The following SLC35A5 variants were observed in gnomAD, a reference collection of about 807,000 sequenced individuals.
SLC35A5 encodes solute carrier family 35 member A5, also known as UDP-sugar transporter protein SLC35A5.
A neutral mutation model predicts 36.3 loss-of-function variants in SLC35A5; 28 were observed. That is an observed-to-expected ratio of 0.77 (90% CI 0.57 to 1.06). The LOEUF (loss-of-function observed/expected upper bound fraction) is 1.06, where lower values mean the gene tolerates loss of function less well. Among genes scored for constraint, SLC35A5 ranks in the 50% least tolerant of loss-of-function variants. The pLI, the probability that SLC35A5 is intolerant of heterozygous loss-of-function variation, is 0.00. For missense variants in SLC35A5, 521 were observed against 499.3 expected (o/e 1.04, Z -0.41); for synonymous variants, 180 against 173.7 (o/e 1.04, Z -0.29).
intron 4 of SLC35A5, among the ~76,000 whole-genome samples, chr3:112,572,237 C>T (rs1016254764): frequency 7.2e-5 from 11 of 151,804 alleles, no homozygotes; most frequent in African/African-American, 2.7e-4. Context: ...CCACCGTGCC[C>T]GGCCGACTTT....
rs190441635 is a variant in SLC35A5, at chr3:112,577,130, T to C, written c.428+3174T>C. Reference sequence around the variant, plus strand: ...AATTTTTAAAAATTCTTAAAAAGAATATGAGGCTACAAAAGCAGGCAAAAG... The same window carrying C: ...AATTTTTAAAAATTCTTAAAAAGAACATGAGGCTACAAAAGCAGGCAAAAG... On this transcript the variant is annotated intron_variant, in intron 5 of 6. Transcript: ENST00000492406. 6.6e-4 allele frequency among the ~76,000 whole-genome samples: 99 copies of C among 151,132 alleles called. 1 individual carries two copies. The highest frequency in any genetic ancestry group is 1.7e-3 in the Admixed American group (26 of 15,206).
At chr3:112,567,732 G>A (rs1481886858) in intron 2 of SLC35A5, among the ~76,000 whole-genome samples, 1 of 152,218 alleles carries the variant, frequency 6.6e-6, no homozygotes, top group Non-Finnish European at 1.5e-5. Context: ...ATGTGTGGAG[G>A]GAAATCACAT....
At chr3:112,579,381 C>T (rs1489063336) in intron 5 of SLC35A5, among the ~76,000 whole-genome samples, 1 of 151,986 alleles carries the variant, frequency 6.6e-6, no homozygotes, top group East Asian at 1.9e-4. Flanking sequence ...TTGCTTTACA[C>T]TTCTGCATTT....
At position 112,563,378 on chromosome 3, in the gene SLC35A5, C is replaced by T. The variant is rs745839452; in HGVS notation, c.-19-7C>T. On this transcript the variant is annotated splice_polypyrimidine_tract_variant and splice_region_variant and intron_variant, in intron 1 of 6. Coordinates refer to ENST00000492406, the MANE Select transcript of SLC35A5 (RefSeq NM_017945.5). ...AGGTCGTTCATGAAAGTGTTTTTCT[C>T]TTTAAGGTAATTAAAAAACAGTGGA... is the stretch of plus-strand genomic sequence containing the variant. 9 of 1,478,686 alleles carry T rather than the reference C, an allele frequency of 6.1e-6. No individual in the cohort carries two copies. The highest frequency in any genetic ancestry group is 7.3e-6 in the Non-Finnish European group (8 of 1,094,318). 91.6% of individuals were successfully genotyped at this position (1,478,686 alleles called of 1,614,324 possible).
At chr3:112,574,037 G>A (rs1934569429) in intron 5 of SLC35A5, 81 bp downstream of exon 5, 29 of 1,244,318 alleles carry the variant, frequency 2.3e-5, no homozygotes, top group Non-Finnish European at 3.3e-5. Flanking sequence ...AGAACACTGA[G>A]CCGTCAGAAT....
chr3:112,576,140 G>C (rs1934662371), intron 5 of SLC35A5, among the ~76,000 whole-genome samples: 2 of 149,632 alleles, frequency 1.3e-5, no homozygotes, highest in Non-Finnish European at 3.0e-5. Flanking sequence ...TTTTGGCAGT[G>C]GGGGTGGGTA....
chr3:112,562,573 G>A (rs1031493518), intron 1 of SLC35A5, among the ~76,000 whole-genome samples: 1 of 152,214 alleles, frequency 6.6e-6, no homozygotes, highest in Non-Finnish European at 1.5e-5. Context: ...GAGGGCCTTA[G>A]ATTCATTGAT....
At chr3:112,569,145 TAAA>T in intron 2 of SLC35A5, 23 bp from the exon 3 acceptor site, 1 of 1,562,862 alleles carries the variant, frequency 6.4e-7, no homozygotes, top group Non-Finnish European at 8.8e-7. Flanking sequence ...AATATATAGT[TAAA>T]AAACATTTCT....
At chr3:112,570,745 C>A (rs1413652707) in intron 4 of SLC35A5, 75 bp downstream of exon 4, 1 of 1,287,158 alleles carries the variant, frequency 7.8e-7, no homozygotes, top group Non-Finnish European at 1.0e-6. Context: ...TTTTTTTTAT[C>A]ATTTTTGTTG....
Position 112,576,412 on chromosome 3 carries a change from A to G in SLC35A5, c.428+2456A>G, listed in dbSNP as rs112843558. ...AGTGTTGGGATTACAGGCGTGAGCC[A>G]CCGCGTCCAGCCCATCTTAACAATT... is the stretch of plus-strand genomic sequence containing the variant. On this transcript the variant is annotated intron_variant, in intron 5 of 6. Coordinates refer to ENST00000492406, the MANE Select transcript of SLC35A5 (RefSeq NM_017945.5). Among the ~76,000 whole-genome samples the G allele has an allele frequency of 1.4e-3, 207 of 148,642 alleles. 1 individual carries two copies. Among genetic ancestry groups the G allele is most frequent in the African/African-American group, 4.9e-3 (197 of 40,066 alleles).
intron 2 of SLC35A5, among the ~76,000 whole-genome samples, chr3:112,564,907 A>T (rs559726324): frequency 1.3e-5 from 2 of 152,342 alleles, no homozygotes; most frequent in African/African-American, 4.8e-5. Flanking sequence ...CAGGGAGCAC[A>T]GGGTTGGGGG....
intron 2 of SLC35A5, among the ~76,000 whole-genome samples, chr3:112,565,594 A>T (rs991769136): frequency 6.6e-6 from 1 of 152,204 alleles, no homozygotes; most frequent in Non-Finnish European, 1.5e-5. Context: ...GCTGGCCAAC[A>T]TGGTGAAACC....
At chr3:112,570,791 C>G in intron 4 of SLC35A5, 121 bp downstream of exon 4, 1 of 925,554 alleles carries the variant, frequency 1.1e-6, no homozygotes, top group Non-Finnish European at 1.5e-6. Context: ...ACTGGCCTTC[C>G]TGAGATTTCC....
Position 112,580,615 on chromosome 3 carries a change from CG to C in SLC35A5, c.501del (p.Thr168LeufsTer70). 1 of 1,614,036 alleles carries C rather than the reference CG, an allele frequency of 6.2e-7. No homozygotes were observed. The highest frequency in any genetic ancestry group is 8.5e-7 in the Non-Finnish European group (1 of 1,179,960). The part of the protein sequence containing the change: ...LFLSIVALTA[G>X]TKTLQHNLAG... ...TTTTGTCTATTGTGGCCTTGACTGC[CG>C]GGACTAAAACTTTACAGCACAACTT... On this transcript the variant is annotated frameshift_variant, in exon 6 of 7. Coordinates refer to ENST00000492406, the MANE Select transcript of SLC35A5 (RefSeq NM_017945.5). LOFTEE classifies it high-confidence loss of function.
At chr3:112,567,580 C>T (rs1385615476) in intron 2 of SLC35A5, among the ~76,000 whole-genome samples, 1 of 152,184 alleles carries the variant, frequency 6.6e-6, no homozygotes, top group Non-Finnish European at 1.5e-5. Flanking sequence ...GCTGGGATTA[C>T]AGGCATGAGC....
rs762471432 is a variant in SLC35A5, at chr3:112,563,528, A to G, written c.125A>G (p.Asn42Ser). 3 of 1,599,300 alleles carry G rather than the reference A, an allele frequency of 1.9e-6. No homozygotes were observed. Among genetic ancestry groups the G allele is most frequent in the African/African-American group, 1.3e-5 (1 of 74,856 alleles). ...SRILLVKYSA[N>S]EENKYDYLPT... Reference sequence around the variant, plus strand: ...ATCTTACTAGTGAAGTATTCTGCCAATGAAGGTAAGTTAAGACTTGGTATA... The same window carrying G: ...ATCTTACTAGTGAAGTATTCTGCCAGTGAAGGTAAGTTAAGACTTGGTATA... Residue 42 changes from asparagine to serine, a missense_variant, in exon 2 of 7, where the codon AAT (asparagine) becomes AGT (serine). By Grantham distance (46) the Asn-to-Ser change is conservative. Coordinates refer to ENST00000492406, the MANE Select transcript of SLC35A5 (RefSeq NM_017945.5).
intron 1 of SLC35A5, 121 bp downstream of exon 1, chr3:112,562,394 C>G (rs1180435224): frequency 6.6e-6 from 1 of 152,362 alleles, no homozygotes; most frequent in Non-Finnish European, 1.5e-5. Flanking sequence ...GGAAATCTGG[C>G]CCCCTCCTGT....
intron 2 of SLC35A5, among the ~76,000 whole-genome samples, chr3:112,567,643 CG>C (rs370350609): frequency 6.6e-6 from 1 of 152,292 alleles, no homozygotes; most frequent in East Asian, 1.9e-4. Flanking sequence ...GATTAATAGT[CG>C]GGCCTTAGCC....
Position 112,563,394 on chromosome 3 carries a change from A to G in SLC35A5, c.-10A>G. ...TGTTTTTCTCTTTAAGGTAATTAAAAAACAGTGGAATGGAAAAACAGTGCT... is the reference window on the plus strand; with the variant it reads ...TGTTTTTCTCTTTAAGGTAATTAAAGAACAGTGGAATGGAAAAACAGTGCT... On this transcript the variant is annotated 5_prime_UTR_variant, in exon 2 of 7. Transcript: ENST00000492406. 6.7e-7 allele frequency: 1 copy of G among 1,492,448 alleles called. No individual in the cohort carries two copies. Among genetic ancestry groups the G allele is most frequent in the South Asian group, 1.3e-5 (1 of 74,390 alleles). The allele number at this position is 1,492,448 out of a possible 1,614,324, so 92.5% of individuals were successfully genotyped here. A position where few individuals can be genotyped will look rare whatever the true frequency, so the allele number is the denominator to read the frequency against.
Sources: allele counts gnomAD v4.1 joint callset (sites outside exome capture counted in the v4.1 genomes callset), GRCh38; gene constraint gnomAD v4.1.1; transcripts MANE v1.5; gene names NCBI Gene and HGNC (gene_info 2026-07-23, HGNC 2026-07-21).